Variants in ARHGEF3 observed in about 807,000 individuals in gnomAD.
ARHGEF3 encodes 59.8 kDA protein.
In ARHGEF3, 28 loss-of-function variants were observed where a neutral mutation model predicts 63.2. The observed-to-expected ratio is 0.44, with a 90% CI of 0.33 to 0.61. The LOEUF is 0.61. Among genes scored for constraint, ARHGEF3 ranks in the 20% least tolerant of loss-of-function variants. The probability of loss-of-function intolerance (pLI) is 0.03; values close to 1 mark genes in which losing one functional copy is unlikely to be tolerated. For synonymous variants in ARHGEF3, 266 were observed against 254.2 expected, an observed-to-expected ratio of 1.05 and a Z score of -0.44; for missense variants, 533 against 659.3, an observed-to-expected ratio of 0.81 and a Z score of 2.10.
intron 4 of ARHGEF3, among the ~76,000 whole-genome samples, chr3:56,827,052 C>T (rs1170067202): frequency 6.6e-6 from 1 of 152,026 alleles, no homozygotes. Context: ...TAGGAAAGAC[C>T]TTGCTAACTA....
chr3:56,865,923 C>A (rs2040234953), intron 4 of ARHGEF3, among the ~76,000 whole-genome samples: 1 of 152,028 alleles, frequency 6.6e-6, no homozygotes, highest in South Asian at 2.1e-4. Flanking sequence ...GAAAGACAGA[C>A]ATCCTATTCA....
intron 4 of ARHGEF3, among the ~76,000 whole-genome samples, chr3:56,850,298 G>A (rs1440904500): frequency 1.3e-5 from 2 of 152,228 alleles, no homozygotes; most frequent in Admixed American, 1.3e-4. Context: ...GGAGGCCAAG[G>A]CAGGGGGATC....
At chr3:56,843,555 C>T (rs1330728308) in intron 4 of ARHGEF3, among the ~76,000 whole-genome samples, 2 of 152,190 alleles carry the variant, frequency 1.3e-5, no homozygotes, top group Non-Finnish European at 1.5e-5. Context: ...GTGTGAGCCA[C>T]CATGCCCAGC....
At chr3:57,053,153 C>A (rs998875849) in intron 1 of ARHGEF3, among the ~76,000 whole-genome samples, 1 of 152,202 alleles carries the variant, frequency 6.6e-6, no homozygotes, top group Non-Finnish European at 1.5e-5. Context: ...GATAAATGCA[C>A]CCCTTCCTTA....
At chr3:57,001,107 A>G (rs1371039508) in intron 2 of ARHGEF3, among the ~76,000 whole-genome samples, 1 of 150,568 alleles carries the variant, frequency 6.6e-6, no homozygotes, top group East Asian at 2.0e-4. Flanking sequence ...GCCTGGCTAA[A>G]TTTTAATTTT....
At chr3:56,968,080 AT>A in intron 2 of ARHGEF3, among the ~76,000 whole-genome samples, 1 of 57,772 alleles carries the variant, frequency 1.7e-5, no homozygotes, top group Non-Finnish European at 3.0e-5. Context: ...AATATATTAT[AT>A]ATTTATTATA....
At chr3:57,031,410 C>T (rs1703728205) in intron 2 of ARHGEF3, among the ~76,000 whole-genome samples, 1 of 152,184 alleles carries the variant, frequency 6.6e-6, no homozygotes, top group Non-Finnish European at 1.5e-5. Flanking sequence ...GCCGTCTTTA[C>T]TGGGTACTGA....
chr3:56,971,986 G>A (rs1011703696), intron 2 of ARHGEF3, among the ~76,000 whole-genome samples: 4 of 151,998 alleles, frequency 2.6e-5, no homozygotes, highest in Admixed American at 2.6e-4. Flanking sequence ...TCATATCCCA[G>A]ACACTCCTGA....
intron 4 of ARHGEF3, among the ~76,000 whole-genome samples, chr3:56,820,471 G>C (rs919148204): frequency 3.3e-5 from 5 of 152,134 alleles, no homozygotes; most frequent in African/African-American, 9.7e-5. Context: ...TAAAAAAAAG[G>C]GGGGGACAGT....
intron 3 of ARHGEF3, among the ~76,000 whole-genome samples, chr3:56,947,015 T>A (rs190279349): frequency 1.1e-3 from 166 of 152,286 alleles, no homozygotes; most frequent in Non-Finnish European, 2.1e-3. Context: ...GAATTTCATA[T>A]CCAGCCAAAC....
chr3:56,745,117 G>C (rs1035512581), intron 7 of ARHGEF3, 88 bp downstream of exon 7: 4 of 1,487,346 alleles, frequency 2.7e-6, no homozygotes, highest in South Asian at 2.6e-5. Flanking sequence ...TAAGTACCCA[G>C]GGACTCTTCC....
At chr3:56,750,695 G>C (rs917939074) in intron 6 of ARHGEF3, among the ~76,000 whole-genome samples, 7 of 140,302 alleles carry the variant, frequency 5.0e-5, no homozygotes, top group Non-Finnish European at 1.1e-4. Flanking sequence ...TTTTGGTAGT[G>C]GATATATGTC....
At chr3:56,807,417 T>A (rs1260029363) in intron 4 of ARHGEF3, among the ~76,000 whole-genome samples, 3 of 152,184 alleles carry the variant, frequency 2.0e-5, no homozygotes, top group Non-Finnish European at 2.9e-5. Flanking sequence ...TACATTTGAA[T>A]AAGGAGCTCA....
At chr3:56,797,520 G>A (rs6803697) in intron 1 of ARHGEF3, among the ~76,000 whole-genome samples, 65,423 of 151,974 alleles carry the variant, frequency 0.43, 16,535 homozygotes, top group East Asian at 0.7. Context: ...GATTCTAACT[G>A]CAATAACTCC....
chr3:56,992,357 T>G (rs1174517363), intron 2 of ARHGEF3, among the ~76,000 whole-genome samples: 1 of 119,478 alleles, frequency 8.4e-6, no homozygotes, highest in African/African-American at 3.2e-5. Flanking sequence ...AAAGGTCCTA[T>G]GGTAGGGAGG....
rs148060551 is a variant in ARHGEF3 at position 57,029,015 on chromosome 3, A to C, written c.62+6073T>G. 5.5e-4 allele frequency among the ~76,000 whole-genome samples: 82 copies of C among 149,706 alleles called. No homozygotes were observed. In the South Asian group the frequency reaches 8.1e-3, roughly 15 times the overall value. Reference sequence around the variant, plus strand: ...CACACACACACACACACACACACACACCTCCCAAAATAGGACCTGAGGTTG... The same window carrying C: ...CACACACACACACACACACACACACCCCTCCCAAAATAGGACCTGAGGTTG... On this transcript the variant is annotated intron_variant, in intron 2 of 12. Coordinates refer to the ARHGEF3 transcript ENST00000338458.
chr3:56,915,393 G>C (rs1051382919), intron 3 of ARHGEF3, among the ~76,000 whole-genome samples: 1 of 152,124 alleles, frequency 6.6e-6, no homozygotes, highest in Non-Finnish European at 1.5e-5. Context: ...TTGAGCCCGG[G>C]CGGTCAAGGT....
chr3:57,048,780 C>T (rs1053105356), intron 1 of ARHGEF3, among the ~76,000 whole-genome samples: 1 of 152,098 alleles, frequency 6.6e-6, no homozygotes, highest in Non-Finnish European at 1.5e-5. Flanking sequence ...AAGTTCAGAA[C>T]CCAGACATTT....
intron 2 of ARHGEF3, chr3:57,035,048 T>C: frequency 2.0e-6 from 3 of 1,481,308 alleles, no homozygotes; most frequent in East Asian, 2.5e-5. Context: ...TACAGGAATT[T>C]TAAAATTTTT....
Sources: gnomAD v4.1 joint callset for allele counts (sites outside exome capture counted in the v4.1 genomes callset) on GRCh38, gnomAD v4.1.1 for gene constraint, MANE v1.5 for transcripts, NCBI Gene and HGNC (gene_info 2026-07-23, HGNC 2026-07-21) for gene names.